KDM5B: variants seen among roughly 807,000 people sequenced by gnomAD.
The protein encoded by KDM5B is lysine-specific demethylase 5B.
In KDM5B, 144 loss-of-function variants were observed where a neutral mutation model predicts 193.4. That is an observed-to-expected ratio of 0.74 (90% confidence interval 0.65 to 0.86). KDM5B has a LOEUF of 0.86. KDM5B is among the 40% of genes least tolerant of loss of function. The pLI is 0.00. For missense variants in KDM5B, 1,833 were observed against 1,886.9 expected (o/e 0.97, Z 0.53); for synonymous variants, 668 against 682.6 (o/e 0.98, Z 0.33).
At chr1:202,755,559 A>G in intron 10 of KDM5B, 107 bp from the exon 11 acceptor site, 2 of 895,152 alleles carry the variant, frequency 2.2e-6, no homozygotes, top group South Asian at 1.8e-5. Flanking sequence ...GAAATGTGGA[A>G]GAGGAGGGGC....
intron 2 of KDM5B, among the ~76,000 whole-genome samples, chr1:202,775,228 C>T (rs1656889927): frequency 1.3e-5 from 2 of 150,924 alleles, no homozygotes; most frequent in South Asian, 4.2e-4. Context: ...GACAGTAAGA[C>T]TCTGTCTCAA....
At chr1:202,748,800 C>A (rs1655671515) in intron 14 of KDM5B, 145 bp downstream of exon 14, 3 of 581,720 alleles carry the variant, frequency 5.2e-6, no homozygotes, top group Non-Finnish European at 8.7e-6. Flanking sequence ...AAAATTAAAA[C>A]CACGAGATAC....
chr1:202,795,670 A>ACCTACATGGTAAACC (rs1558519225), intron 1 of KDM5B, among the ~76,000 whole-genome samples: 2 of 151,538 alleles, frequency 1.3e-5, no homozygotes, highest in Non-Finnish European at 2.9e-5. Context: ...AAAAGAGGGG[A>ACCTACATGGTAAACC]CTACTCTCTA....
chr1:202,735,456 T>G lies in KDM5B; in HGVS notation c.3396A>C (p.Leu1132Phe). ...CTGAAGCAGTCTCCTTGCTTTCAGT[T>G]AAAGCTCTCTCCAGGTCACTCAGAC... ...LESLSDLERA[L>F]TESKETASAM... Residue 1132 changes from leucine to phenylalanine, a missense_variant, in exon 22 of 27, where the codon TTA (leucine) becomes TTC (phenylalanine). Leu to Phe is a conservative substitution (Grantham distance 22). Coordinates refer to ENST00000367265, the MANE Select transcript of KDM5B (RefSeq NM_006618.5). The G allele has an allele frequency of 1.9e-6, 3 of 1,614,040 alleles. No individual in the cohort carries two copies. Among genetic ancestry groups the G allele is most frequent in the Non-Finnish European group, 2.5e-6 (3 of 1,179,938 alleles).
At chr1:202,758,541 A>G (rs1392728750) in intron 8 of KDM5B, 31 bp from the exon 9 acceptor site, 1 of 1,556,352 alleles carries the variant, frequency 6.4e-7, no homozygotes, top group African/African-American at 1.4e-5. Flanking sequence ...GTTCTAGGTG[A>G]CACTGAAAAC....
chr1:202,739,441 C>CT (rs58981694), intron 20 of KDM5B, among the ~76,000 whole-genome samples: 2,826 of 144,132 alleles, frequency 0.02, 72 homozygotes, highest in African/African-American at 0.061. Context: ...CAATATTGCT[C>CT]TTTTTTTTTT....
chr1:202,769,035 T>C (rs1458803364), intron 4 of KDM5B, among the ~76,000 whole-genome samples: 2 of 145,702 alleles, frequency 1.4e-5, no homozygotes, highest in Non-Finnish European at 3.0e-5. Flanking sequence ...ATATTCTTTT[T>C]TTTTCTTTTT....
At chr1:202,774,863 G>A (rs934838693) in intron 2 of KDM5B, 128 bp from the exon 3 acceptor site, 5 of 753,376 alleles carry the variant, frequency 6.6e-6, no homozygotes, top group Non-Finnish European at 8.6e-6. Context: ...TTAATTTAAT[G>A]CTCTTTCAGC....
chr1:202,758,024 C>T (rs1027447364), intron 9 of KDM5B, among the ~76,000 whole-genome samples: 2 of 152,182 alleles, frequency 1.3e-5, no homozygotes, highest in Admixed American at 6.5e-5. Flanking sequence ...TAACAATATA[C>T]AACAAATGTG....
At chr1:202,774,227 A>G (rs78462081) in intron 3 of KDM5B, among the ~76,000 whole-genome samples, 1 of 152,206 alleles carries the variant, frequency 6.6e-6, no homozygotes, top group African/African-American at 2.4e-5. Context: ...CATTTCACAC[A>G]TCTCAAAAAG....
At chr1:202,762,522 A>T (rs1656292800) in intron 7 of KDM5B, among the ~76,000 whole-genome samples, 177 bp downstream of exon 7, 1 of 152,208 alleles carries the variant, frequency 6.6e-6, no homozygotes, top group African/African-American at 2.4e-5. Context: ...GTATTTCCTC[A>T]TTTATTAACT....
Position 202,746,137 on chromosome 1 carries a change from C to T in KDM5B, c.2198+5G>A. On this transcript the variant is annotated splice_donor_5th_base_variant and intron_variant, in intron 15 of 26. Coordinates refer to ENST00000367265, the MANE Select transcript of KDM5B (RefSeq NM_006618.5). ...ATAGGAAAAAAAATCGTTCTTCCTA[C>T]TTACCGCAATTTATATTTGTAAGGA... 2 of 1,603,582 alleles carry T rather than the reference C, an allele frequency of 1.2e-6. No homozygotes were observed. Among genetic ancestry groups the T allele is most frequent in the Non-Finnish European group, 1.7e-6 (2 of 1,175,240 alleles).
intron 1 of KDM5B, among the ~76,000 whole-genome samples, chr1:202,791,213 G>A (rs535571442): frequency 6.6e-6 from 1 of 152,212 alleles, no homozygotes; most frequent in East Asian, 1.9e-4. Context: ...TGATTTGAAA[G>A]ATAACCCACT....
chr1:202,774,483 C>T, intron 3 of KDM5B, 130 bp downstream of exon 3: 1 of 769,952 alleles, frequency 1.3e-6, no homozygotes. Context: ...CTCCCTTGAC[C>T]TCCCAAAGTG....
Position 202,729,079 on chromosome 1 carries a change from A to T in KDM5B, c.4592T>A (p.Ile1531Asn). The T allele has an allele frequency of 2.5e-6, 4 of 1,614,070 alleles. No homozygotes were observed. Among genetic ancestry groups the T allele is most frequent in the Non-Finnish European group, 2.5e-6 (3 of 1,179,986 alleles). Residue 1531 changes from isoleucine to asparagine, a missense_variant, in exon 27 of 27, where the codon ATC becomes AAC. By Grantham distance (149) the Ile-to-Asn change is moderately radical (BLOSUM62 -3). Coordinates refer to ENST00000367265, the MANE Select transcript of KDM5B (RefSeq NM_006618.5). ...SPEMAEKEDY[I>N]CVRCTVKDAP... is the part of the protein sequence containing the mutation. ...GTCCTTCACAGTACAGCGCACACAG[A>T]TGTAGTCTTCTTTCTCTGCCATCTC...
chr1:202,731,039 A>G lies in KDM5B; in HGVS notation c.4046T>C (p.Leu1349Pro). 6.2e-7 allele frequency: 1 copy of G among 1,612,790 alleles called. No homozygotes were observed. Among genetic ancestry groups the G allele is most frequent in the Non-Finnish European group, 8.5e-7 (1 of 1,179,226 alleles). Residue 1349 changes from leucine to proline, a missense_variant, in exon 25 of 27, where the codon CTA becomes CCA. By Grantham distance (98) the Leu-to-Pro change is moderately conservative. Around this residue, in one of 3 missense-constraint regions of KDM5B, gnomAD observed 1,379 missense variants for 1,349.6 expected, o/e 1.02. Transcript: ENST00000367265. ...CTGGAGCAGCTGGGCTTCCATCAAT[A>G]GTTCATTCACTTCTGGACTAACACC... ...LHGVSPEVNE[L>P]LMEAQLLQVS...
chr1:202,781,798 T>C (rs1287749145), intron 1 of KDM5B, among the ~76,000 whole-genome samples: 2 of 152,204 alleles, frequency 1.3e-5, no homozygotes, highest in Non-Finnish European at 2.9e-5. Flanking sequence ...TAGAAGTAAA[T>C]GTTCAAATAT....
Position 202,753,465 on chromosome 1 carries a change from T to G in KDM5B, c.1539-398A>C, listed in dbSNP as rs1474262512. ...AGCAGAGATCACACCATTGCATTCCTGCCTGGGTGACAAGAGCAAGACTCC... is the reference window on the plus strand; with the variant it reads ...AGCAGAGATCACACCATTGCATTCCGGCCTGGGTGACAAGAGCAAGACTCC... On this transcript the variant is annotated intron_variant, in intron 11 of 26. Transcript: ENST00000367265. Among the ~76,000 whole-genome samples the G allele has an allele frequency of 2.0e-5, 3 of 151,950 alleles. No homozygotes were observed. In the East Asian group the frequency reaches 5.8e-4, roughly 29 times the overall value.
rs1377753407 is a variant in KDM5B at position 202,775,903 on chromosome 1, T to TATAA, written c.282+1113_282+1114insTTAT. 4.5e-3 allele frequency among the ~76,000 whole-genome samples: 469 copies of TATAA among 104,868 alleles called. 4 individuals are homozygous for TATAA. The highest frequency in any genetic ancestry group is 0.016 in the African/African-American group (452 of 28,012). 68.8% of individuals were successfully genotyped at this position (104,868 alleles called of 152,430 possible). A position where few individuals can be genotyped will look rare whatever the true frequency, so the allele number is the denominator to read the frequency against. The stretch of plus-strand genomic sequence containing the variant: ...AAATATATATATATATATATATATA[T>TATAA]AATATATACACACACATACATTAAC... On this transcript the variant is annotated intron_variant, in intron 2 of 26. Coordinates refer to ENST00000367265, the MANE Select transcript of KDM5B (RefSeq NM_006618.5).
Sources: gnomAD v4.1 joint callset for allele counts (sites outside exome capture counted in the v4.1 genomes callset) on GRCh38, gnomAD v4.1.1 for gene constraint, gnomAD v4.1.1 regional missense constraint, MANE v1.5 for transcripts, NCBI Gene and HGNC (gene_info 2026-07-23, HGNC 2026-07-21) for gene names.